NUP210: variants seen among roughly 807,000 people sequenced by gnomAD.
The protein encoded by NUP210 is nuclear pore membrane glycoprotein 210.
Under a neutral mutation model 196.0 loss-of-function variants are expected in NUP210, and 151 were observed. The observed-to-expected ratio is 0.77, with a 90% CI of 0.67 to 0.88. NUP210 has a LOEUF of 0.88. NUP210 is among the 40% of genes least tolerant of loss of function. NUP210 has a pLI of 0.00. For synonymous variants in NUP210, 1,070 were observed against 1,052.7 expected (o/e 1.02, Z -0.32); for missense variants, 2,314 against 2,493.7 (o/e 0.93, Z 1.53).
chr3:13,319,003 AC>A, intron 39 of NUP210, 68 bp downstream of exon 39: 1 of 1,442,594 alleles, frequency 6.9e-7, no homozygotes, highest in Non-Finnish European at 9.4e-7. Context: ...AGGAGCCTCG[AC>A]CCCTCCCCCA....
intron 39 of NUP210, among the ~76,000 whole-genome samples, chr3:13,318,138 G>C (rs1348718123): frequency 1.3e-5 from 2 of 152,230 alleles, no homozygotes; most frequent in Non-Finnish European, 2.9e-5. Flanking sequence ...AAGACCCCGA[G>C]GGGAGCAGCG....
chr3:13,333,511 C>G (rs1426123836), intron 28 of NUP210, among the ~76,000 whole-genome samples: 1 of 152,246 alleles, frequency 6.6e-6, no homozygotes, highest in Non-Finnish European at 1.5e-5. Context: ...CTCCTCTGTG[C>G]TCTGTCCACG....
At chr3:13,329,193 C>T (rs1447894064) in intron 30 of NUP210, among the ~76,000 whole-genome samples, 1 of 152,228 alleles carries the variant, frequency 6.6e-6, no homozygotes, top group East Asian at 1.9e-4. Flanking sequence ...CCAGGAGTGT[C>T]CCAATCCATG....
chr3:13,345,977 G>A (rs1414675008), intron 20 of NUP210, among the ~76,000 whole-genome samples: 2 of 152,234 alleles, frequency 1.3e-5, no homozygotes, highest in Admixed American at 6.5e-5. Flanking sequence ...ATAGTGCACC[G>A]ACTGCGGAGC....
At chr3:13,345,731 G>A (rs1035031682) in intron 20 of NUP210, among the ~76,000 whole-genome samples, 1 of 152,208 alleles carries the variant, frequency 6.6e-6, no homozygotes, top group Non-Finnish European at 1.5e-5. Flanking sequence ...ATTGCCACAT[G>A]AGCCTGGTGT....
At position 13,386,292 on chromosome 3, in the gene NUP210, C is replaced by T. The variant is rs1322975412; in HGVS notation, c.800G>A (p.Arg267Lys). 5 of 1,613,518 alleles carry T rather than the reference C, an allele frequency of 3.1e-6. No homozygotes were observed. The highest frequency in any genetic ancestry group is 2.2e-5 in the East Asian group (1 of 44,850). ...TGACACACCTGTAATTTTCCCTTGCCTGATCTTCTGCACCTTGTAGTGAAT... is the reference window on the plus strand; with the variant it reads ...TGACACACCTGTAATTTTCCCTTGCTTGATCTTCTGCACCTTGTAGTGAAT... ...TSIHYKVQKI[R>K]QGKITELSMP... The change falls in exon 6 of 40, where the codon AGG becomes AAG. Residue 267 changes from arginine to lysine, a missense_variant. Coordinates refer to ENST00000254508, the MANE Select transcript of NUP210 (RefSeq NM_024923.4).
rs370004099 is a variant in NUP210, at chr3:13,321,243, C to T, written c.5166+342G>A. ...TGTCCCAGCAGGGATTAGGGCTTTC[C>T]TCCCTGCTCTGTGGCAGATGCTCCT... On this transcript the variant is annotated intron_variant, in intron 36 of 39. Coordinates refer to ENST00000254508, the MANE Select transcript of NUP210 (RefSeq NM_024923.4). Among the ~76,000 whole-genome samples, 330 of 152,356 alleles carry T rather than the reference C, an allele frequency of 2.2e-3. 3 individuals are homozygous for T. Among genetic ancestry groups the T allele is most frequent in the African/African-American group, 7.6e-3 (316 of 41,588 alleles).
chr3:13,359,624 T>G (rs1427213550), intron 15 of NUP210, among the ~76,000 whole-genome samples: 1 of 152,172 alleles, frequency 6.6e-6, no homozygotes, highest in African/African-American at 2.4e-5. Context: ...CCCTTTTGCT[T>G]TGGGCTTCCT....
In NUP210 at chr3:13,379,327, G is replaced by A. The variant is rs1387674940; in HGVS notation, c.976+236C>T. Reference sequence around the variant, plus strand: ...AGGTACTGGAGAAGTTTCTGGAGACGAGGAACGACACTCAGCTCCTGCCAT... The same window carrying A: ...AGGTACTGGAGAAGTTTCTGGAGACAAGGAACGACACTCAGCTCCTGCCAT... On this transcript the variant is annotated intron_variant, in intron 7 of 39. Transcript: ENST00000254508. The surrounding 1 kb of genome is among the most constrained non-coding windows in gnomAD (Gnocchi z 4.2). Among the ~76,000 whole-genome samples, 2 of 152,154 alleles carry A rather than the reference G, an allele frequency of 1.3e-5. No homozygotes were observed. The highest frequency in any genetic ancestry group is 3.8e-4 in the East Asian group (2 of 5,198).
chr3:13,346,708 C>A (rs1051568921), intron 20 of NUP210, among the ~76,000 whole-genome samples: 1 of 152,168 alleles, frequency 6.6e-6, no homozygotes, highest in African/African-American at 2.4e-5. Context: ...CGACAGGTGG[C>A]GACTGCAGGG....
chr3:13,380,408 G>A (rs1308077298), intron 6 of NUP210, among the ~76,000 whole-genome samples: 1 of 152,206 alleles, frequency 6.6e-6, no homozygotes, highest in Admixed American at 6.5e-5. Context: ...TCATGATCAC[G>A]TTCCCTCATA....
In NUP210 at chr3:13,340,132, CCTT is replaced by C. The variant is rs1332933004; in HGVS notation, c.3291+101_3292-100del. On this transcript the variant is annotated intron_variant, in intron 24 of 39. Transcript: ENST00000254508. The surrounding 1 kb of genome is among the most constrained non-coding windows in gnomAD (Gnocchi z 4.0). ...AGGGCCCCAGTGCAGGCAGCTTCTG[CCTT>C]CTTCTCCCAGTCACTGCACGCAGGG... The C allele has an allele frequency of 1.9e-6, 3 of 1,601,366 alleles. No individual in the cohort carries two copies. Among genetic ancestry groups the C allele is most frequent in the African/African-American group, 2.7e-5 (2 of 74,720 alleles).
intron 5 of NUP210, among the ~76,000 whole-genome samples, chr3:13,387,829 G>A (rs1317529730): frequency 7.1e-6 from 1 of 140,144 alleles, no homozygotes; most frequent in Non-Finnish European, 1.6e-5. Flanking sequence ...ACATGGGATC[G>A]GCTGGGGCAG....
At chr3:13,391,452 G>A (rs943736227) in intron 3 of NUP210, 145 bp from the exon 4 acceptor site, 44 of 634,958 alleles carry the variant, frequency 6.9e-5, no homozygotes, top group Non-Finnish European at 3.2e-5. Context: ...TATGTCAGGA[G>A]AGGAAACTGA....
intron 18 of NUP210, among the ~76,000 whole-genome samples, chr3:13,352,995 T>A (rs1576374399): frequency 6.6e-6 from 1 of 151,916 alleles, no homozygotes; most frequent in African/African-American, 2.4e-5. Flanking sequence ...TGCTCAGGCA[T>A]CAGGCAGGAG....
intron 3 of NUP210, among the ~76,000 whole-genome samples, chr3:13,395,261 A>G (rs1699614104): frequency 6.6e-6 from 1 of 152,184 alleles, no homozygotes. Context: ...AAGTGACTTA[A>G]AGGGGGTTTA....
intron 5 of NUP210, 43 bp from the exon 6 acceptor site, chr3:13,386,450 G>C (rs373882980): frequency 4.2e-5 from 67 of 1,610,892 alleles, no homozygotes; most frequent in Non-Finnish European, 5.2e-5. Context: ...TGCGGACAGG[G>C]AATGGGGAAG....
chr3:13,337,102 T>A, intron 26 of NUP210, 184 bp from the exon 27 acceptor site: 3 of 610,348 alleles, frequency 4.9e-6, no homozygotes, highest in East Asian at 7.0e-5. Flanking sequence ...GTGGGACTGT[T>A]TTCCCCATAC....
rs1044781696 is a variant in NUP210 at position 13,332,213 on chromosome 3, C to G, written c.3935+80G>C. 3 of 1,157,724 alleles carry G rather than the reference C, an allele frequency of 2.6e-6. No individual in the cohort carries two copies. The African/African-American group carries it at 4.5e-5, about 17-fold the overall frequency. The allele number at this position is 1,157,724 out of a possible 1,614,324, so 71.7% of individuals were successfully genotyped here. A position where few individuals can be genotyped will look rare whatever the true frequency, so the allele number is the denominator to read the frequency against. On this transcript the variant is annotated intron_variant, in intron 29 of 39. Transcript: ENST00000254508. ...AACCTCCCTGAAAGTACCCATGGCT[C>G]CTGACAGTGTTGACACATGAGGTGT...
Sources: gnomAD v4.1 joint callset for allele counts (sites outside exome capture counted in the v4.1 genomes callset) on GRCh38, gnomAD v4.1.1 for gene constraint, Gnocchi (gnomAD v3.1) non-coding constraint, MANE v1.5 for transcripts, NCBI Gene and HGNC (gene_info 2026-07-23, HGNC 2026-07-21) for gene names.